The following FGD4 variants were observed in gnomAD, a reference collection of about 807,000 sequenced individuals.
FGD4 encodes FYVE, RhoGEF and PH domain containing 4.
In FGD4, 42 loss-of-function variants were observed where a neutral mutation model predicts 102.0. The observed-to-expected ratio is 0.41, with a 90% CI of 0.32 to 0.53. The LOEUF (loss-of-function observed/expected upper bound fraction) is 0.53. FGD4 is among the 20% of genes least tolerant of loss of function. FGD4 has a pLI of 0.21. For missense variants in FGD4, 902 were observed against 1,078.2 expected (o/e 0.84, Z 2.29); for synonymous variants, 380 against 375.7 (o/e 1.01, Z -0.13).
At chr12:32,523,237 G>T (rs1488491767) in intron 1 of FGD4, among the ~76,000 whole-genome samples, 1 of 152,232 alleles carries the variant, frequency 6.6e-6, no homozygotes, top group Non-Finnish European at 1.5e-5. Flanking sequence ...AGGCTGCTGA[G>T]GTTGGGGAGC....
chr12:32,611,077 T>C (rs1311211031), intron 9 of FGD4, 60 bp from the exon 10 acceptor site: 1 of 1,595,298 alleles, frequency 6.3e-7, no homozygotes, highest in African/African-American at 1.3e-5. Context: ...GGTCATAGTA[T>C]TATTAAAGCT....
chr12:32,567,130 C>T (rs961293255), intron 2 of FGD4, among the ~76,000 whole-genome samples: 1 of 152,212 alleles, frequency 6.6e-6, no homozygotes, highest in African/African-American at 2.4e-5. Context: ...CCCTCTCCAG[C>T]ACAAGCACCA....
intron 1 of FGD4, among the ~76,000 whole-genome samples, chr12:32,481,471 G>A (rs1001910821): frequency 6.6e-5 from 10 of 152,100 alleles, no homozygotes; most frequent in Non-Finnish European, 1.3e-4. Context: ...TAAATAAAAT[G>A]CTAAAAGATA....
chr12:32,596,063 C>G (rs1157259882), intron 4 of FGD4, among the ~76,000 whole-genome samples: 2 of 152,192 alleles, frequency 1.3e-5, no homozygotes. Context: ...AAGTTAGACA[C>G]TGGCTTAAAA....
At chr12:32,563,069 G>A (rs368969847) in intron 1 of FGD4, among the ~76,000 whole-genome samples, 1,686 of 148,622 alleles carry the variant, frequency 0.011, 24 homozygotes, top group East Asian at 0.032. Flanking sequence ...CCTCCCGGAC[G>A]GGGCGGCTGG....
intron 2 of FGD4, among the ~76,000 whole-genome samples, chr12:32,570,269 C>CTA (rs1469899072): frequency 1.5e-5 from 2 of 136,996 alleles, no homozygotes; most frequent in Non-Finnish European, 3.2e-5. Context: ...AAAAGAAATG[C>CTA]TAAAATTCTA....
intron 4 of FGD4, among the ~76,000 whole-genome samples, chr12:32,597,146 A>G (rs968623247): frequency 2.0e-5 from 3 of 152,186 alleles, no homozygotes; most frequent in African/African-American, 7.2e-5. Flanking sequence ...ATTCTTGACA[A>G]TGCTTTATAA....
rs1227655377 is a variant in FGD4, at chr12:32,633,617, T to G, written c.2241T>G (p.Val747=). ...ATGATGGTGGTAAATTGAGCAAAGT[T>G]TGTAAAGACTGTTATCAAATCATAA... The part of the protein sequence containing the change: ...LEYDGGKLSK[V]CKDCYQIISG... Residue 747 remains valine, a synonymous_variant, in exon 15 of 17, where the codon GTT becomes GTG. Coordinates refer to ENST00000534526, the MANE Select transcript of FGD4 (RefSeq NM_001370298.3). The G allele has an allele frequency of 4.3e-6, 7 of 1,613,366 alleles. No homozygotes were observed. Among genetic ancestry groups the G allele is most frequent in the Non-Finnish European group, 5.9e-6 (7 of 1,179,470 alleles).
In FGD4 at chr12:32,598,531, A is replaced by G. The variant is rs147969494; in HGVS notation, c.1046A>G (p.Asn349Ser). The part of the protein sequence containing the change: ...TNEQKLHKIA[N>S]ELLLTERAYV... ...GAGCAAAAACTTCACAAAATAGCCA[A>G]TGAACTTTTGCTTACTGAAAGAGCT... Residue 349 changes from asparagine to serine, a missense_variant, in exon 5 of 17, where the codon AAT becomes AGT. Physicochemically the swap from Asn to Ser is conservative, Grantham distance 46 (BLOSUM62 1). Around this residue, in one of 2 missense-constraint regions of FGD4, gnomAD observed 443 missense variants for 459.2 expected, o/e 0.96. Transcript: ENST00000534526. The G allele has an allele frequency of 1.2e-4, 188 of 1,613,706 alleles. No individual in the cohort carries two copies. The highest frequency in any genetic ancestry group is 1.7e-4 in the Middle Eastern group (1 of 6,058).
At chr12:32,412,014 T>G (rs1760566615) in intron 1 of FGD4, among the ~76,000 whole-genome samples, 1 of 152,098 alleles carries the variant, frequency 6.6e-6, no homozygotes, top group Admixed American at 6.6e-5. Context: ...AGCATACAGA[T>G]TTATTAACGT....
intron 10 of FGD4, among the ~76,000 whole-genome samples, chr12:32,617,052 T>C (rs1673522371): frequency 1.3e-5 from 2 of 152,138 alleles, no homozygotes; most frequent in Non-Finnish European, 2.9e-5. Flanking sequence ...CATTAATCCA[T>C]TCCTGGATTA....
intron 1 of FGD4, chr12:32,502,110 G>A: frequency 2.0e-6 from 2 of 985,462 alleles, no homozygotes; most frequent in Non-Finnish European, 2.4e-6. Flanking sequence ...CGCCTTAGGA[G>A]GGCTGGTTAC....
chr12:32,518,691 T>G (rs565284006), intron 1 of FGD4, among the ~76,000 whole-genome samples: 1 of 152,288 alleles, frequency 6.6e-6, no homozygotes, highest in African/African-American at 2.4e-5. Flanking sequence ...TGAGATGATG[T>G]TATTTTAGAT....
intron 3 of FGD4, among the ~76,000 whole-genome samples, chr12:32,576,930 T>C (rs1037182397): frequency 1.3e-5 from 2 of 152,208 alleles, no homozygotes; most frequent in African/African-American, 4.8e-5. Context: ...GTGGGTCTTC[T>C]ATACCCATTC....
intron 2 of FGD4, among the ~76,000 whole-genome samples, chr12:32,573,164 C>T (rs1565858082): frequency 3.3e-5 from 5 of 152,124 alleles, no homozygotes; most frequent in Non-Finnish European, 7.4e-5. Context: ...GGCGCGATCT[C>T]GGCTCACTGG....
At chr12:32,536,580 T>G (rs560212137) in intron 1 of FGD4, among the ~76,000 whole-genome samples, 1 of 152,338 alleles carries the variant, frequency 6.6e-6, no homozygotes, top group Admixed American at 6.5e-5. Context: ...GTTCTCTGAT[T>G]TATCTCCCAC....
intron 11 of FGD4, among the ~76,000 whole-genome samples, chr12:32,620,672 G>A (rs940961432): frequency 1.2e-4 from 17 of 146,924 alleles, no homozygotes; most frequent in African/African-American, 4.3e-4. Flanking sequence ...GATTACAGGC[G>A]CCTGCCACCA....
intron 1 of FGD4, among the ~76,000 whole-genome samples, chr12:32,534,022 C>G (rs1257864915): frequency 6.6e-6 from 1 of 152,186 alleles, no homozygotes; most frequent in African/African-American, 2.4e-5. Context: ...CATCTTTGGT[C>G]CAGGGCAGGA....
intron 16 of FGD4, chr12:32,639,007 C>T: frequency 1.5e-6 from 2 of 1,343,670 alleles, no homozygotes; most frequent in Non-Finnish European, 1.9e-6. Flanking sequence ...ATCATCTGTC[C>T]CCTTTCTTGT....
Sources: allele counts gnomAD v4.1 joint callset (sites outside exome capture counted in the v4.1 genomes callset), GRCh38; gene constraint gnomAD v4.1.1; regional missense constraint gnomAD v4.1.1; transcripts MANE v1.5; gene names NCBI Gene and HGNC (gene_info 2026-07-23, HGNC 2026-07-21).